Variants in PRSS3 observed in about 807,000 individuals in gnomAD.
PRSS3 encodes the protein trypsin-3.
Under a neutral mutation model 20.8 loss-of-function variants are expected in PRSS3, and 14 were observed. The ratio of observed to expected loss-of-function variants is 0.67; its 90% CI spans 0.44 to 1.05. The LOEUF is 1.05. Ranked by LOEUF, PRSS3 falls within the 50% of genes least tolerant of loss-of-function variation. The probability of loss-of-function intolerance (pLI) is 0.00; values close to 1 mark genes in which losing one functional copy is unlikely to be tolerated. For synonymous variants in PRSS3, 91 were observed against 117.6 expected, an observed-to-expected ratio of 0.77 and a Z score of 1.46; for missense variants, 237 against 306.4, an observed-to-expected ratio of 0.77 and a Z score of 1.69.
At chr9:33,765,514 GCTA>G (rs1198677406) in intron 1 of PRSS3, among the ~76,000 whole-genome samples, 1 of 152,036 alleles carries the variant, frequency 6.6e-6, no homozygotes, top group Non-Finnish European at 1.5e-5. Flanking sequence ...TGCCAGCATC[GCTA>G]CTTTTTCATT....
At chr9:33,796,200 C>A (rs1392514209) in intron 1 of PRSS3, among the ~76,000 whole-genome samples, 4 of 152,230 alleles carry the variant, frequency 2.6e-5, no homozygotes, top group Non-Finnish European at 5.9e-5. Context: ...CAGATCTGAG[C>A]TATGGGGGAA....
chr9:33,768,232 C>T (rs543976803), intron 1 of PRSS3, among the ~76,000 whole-genome samples: 7 of 152,188 alleles, frequency 4.6e-5, no homozygotes, highest in Non-Finnish European at 8.8e-5. Flanking sequence ...GTAATCCCAG[C>T]ACTTTGGGAG....
At position 33,777,589 on chromosome 9, in the gene PRSS3, G is replaced by C. The variant is rs974255405; in HGVS notation, c.-52-17157G>C. ...GAGGTGGTGGGTACCTGTAGTCCCA[G>C]CTACTCTACTCGGGAGGCTGAGGCA... On this transcript the variant is annotated intron_variant, in intron 1 of 5. Transcript: ENST00000342836. Among the ~76,000 whole-genome samples the C allele has an allele frequency of 4.7e-5, 7 of 147,808 alleles. No homozygotes were observed. The Middle Eastern group carries it at 0.011, about 223-fold the overall frequency.
intron 1 of PRSS3, among the ~76,000 whole-genome samples, chr9:33,771,059 A>C (rs775848741): frequency 6.6e-6 from 1 of 152,186 alleles, no homozygotes. Context: ...CAGCCCCACA[A>C]CAAAGACCCC....
In PRSS3 at chr9:33,756,491, A is replaced by G. The variant is rs570585733; in HGVS notation, c.-53+5764A>G. On this transcript the variant is annotated intron_variant, in intron 1 of 5. Coordinates refer to the PRSS3 transcript ENST00000342836. Reference sequence around the variant, plus strand: ...GTTCTGAGTGGTTTTCTTCTGTTATATAATTTTCTCGTTCTTTCTTTCTGA... The same window carrying G: ...GTTCTGAGTGGTTTTCTTCTGTTATGTAATTTTCTCGTTCTTTCTTTCTGA... Among the ~76,000 whole-genome samples the G allele has an allele frequency of 9.8e-5, 15 of 152,296 alleles. No individual in the cohort carries two copies. In the South Asian group the frequency reaches 3.1e-3, roughly 32 times the overall value.
chr9:33,759,167 G>A (rs1200319503), intron 1 of PRSS3, among the ~76,000 whole-genome samples: 1 of 152,078 alleles, frequency 6.6e-6, no homozygotes, highest in East Asian at 1.9e-4. Flanking sequence ...TTCACGGTGG[G>A]AAGAATTGGG....
intron 1 of PRSS3, among the ~76,000 whole-genome samples, chr9:33,779,231 A>C (rs1206776072): frequency 6.6e-6 from 1 of 152,246 alleles, no homozygotes; most frequent in Non-Finnish European, 1.5e-5. Flanking sequence ...AATGGTTCTT[A>C]ACCAGTCTGA....
chr9:33,754,879 G>T (rs1054805195), intron 1 of PRSS3, among the ~76,000 whole-genome samples: 1 of 152,160 alleles, frequency 6.6e-6, no homozygotes, highest in Admixed American at 6.5e-5. Context: ...AATAAGGCAG[G>T]GGGGAGAATG....
intron 1 of PRSS3, among the ~76,000 whole-genome samples, chr9:33,767,705 A>G (rs977208268): frequency 1.8e-4 from 27 of 152,254 alleles, no homozygotes; most frequent in African/African-American, 6.0e-4. Flanking sequence ...GACACCTGTA[A>G]TCCCAGCTAC....
chr9:33,768,252 G>T (rs191382983), intron 1 of PRSS3, among the ~76,000 whole-genome samples: 67 of 152,256 alleles, frequency 4.4e-4, no homozygotes, highest in African/African-American at 1.5e-3. Context: ...GGCTGAGGCG[G>T]GTGGATAACT....
chr9:33,768,781 G>A (rs1393090499), intron 1 of PRSS3, among the ~76,000 whole-genome samples: 1 of 151,786 alleles, frequency 6.6e-6, no homozygotes, highest in Admixed American at 6.6e-5. Flanking sequence ...GCTTGAGCCC[G>A]GGGGGCAGAG....
chr9:33,778,467 TTAAC>T (rs1305381551), intron 1 of PRSS3, among the ~76,000 whole-genome samples: 22 of 152,218 alleles, frequency 1.4e-4, no homozygotes, highest in Admixed American at 1.4e-3. Flanking sequence ...AAACTATACA[TTAAC>T]TACTCAAATT....
intron 1 of PRSS3, among the ~76,000 whole-genome samples, chr9:33,753,312 T>G (rs747063262): frequency 2.0e-5 from 3 of 152,280 alleles, no homozygotes; most frequent in Non-Finnish European, 2.9e-5. Context: ...GGTATAACCT[T>G]AAAGATTGTC....
Position 33,750,744 on chromosome 9 carries a change from C to T in PRSS3, c.-53+17C>T. 7.0e-7 allele frequency: 1 copy of T among 1,419,276 alleles called. No homozygotes were observed. The highest frequency in any genetic ancestry group is 9.2e-7 in the Non-Finnish European group (1 of 1,090,652). 87.9% of individuals were successfully genotyped at this position (1,419,276 alleles called of 1,614,324 possible). On this transcript the variant is annotated intron_variant, in intron 1 of 5. Coordinates refer to the PRSS3 transcript ENST00000342836. The surrounding 1 kb of genome is among the most constrained non-coding windows in gnomAD (Gnocchi z 4.8). ...TGGGCACAGGTCAGACGTCAGTACC[C>T]GCAGGGGGCTTGAAACTGGAGGAGG...
At position 33,750,991 on chromosome 9, in the gene PRSS3, G is replaced by A; in HGVS notation, c.-53+264G>A. 2 of 738,744 alleles carry A rather than the reference G, an allele frequency of 2.7e-6. No homozygotes were observed. Among genetic ancestry groups the A allele is most frequent in the Non-Finnish European group, 3.8e-6 (2 of 519,914 alleles). The allele number at this position is 738,744 out of a possible 1,614,324, so 45.8% of individuals were successfully genotyped here. On this transcript the variant is annotated intron_variant, in intron 1 of 5. Transcript: ENST00000342836. The surrounding 1 kb of genome is among the most constrained non-coding windows in gnomAD (Gnocchi z 4.8). The stretch of plus-strand genomic sequence containing the variant: ...GGGGCCCCCTCCGGGCTGCGGCACC[G>A]ATGCGCACACTACTCCCACCGCCCC...
rs998019370 is a variant in PRSS3, at chr9:33,768,893, G to A, written c.-53+18166G>A. Reference sequence around the variant, plus strand: ...AAAATAAAAAAGGAAAAGAAAATGCGTCTATCATCTTAGAGAATACATGTA... The same window carrying A: ...AAAATAAAAAAGGAAAAGAAAATGCATCTATCATCTTAGAGAATACATGTA... On this transcript the variant is annotated intron_variant, in intron 1 of 5. Coordinates refer to the PRSS3 transcript ENST00000342836. 5.9e-5 allele frequency among the ~76,000 whole-genome samples: 9 copies of A among 152,048 alleles called. No individual in the cohort carries two copies. The East Asian group carries it at 1.2e-3, about 20-fold the overall frequency.
At chr9:33,791,636 T>A (rs1222274058), upstream of PRSS3, among the ~76,000 whole-genome samples, 3 of 152,234 alleles carry the variant, frequency 2.0e-5, no homozygotes, top group Admixed American at 1.3e-4. Context: ...CTGTCCTGGC[T>A]TTCTTCTGCT....
chr9:33,794,227 C>T (rs1011620566), upstream of PRSS3, among the ~76,000 whole-genome samples: 5 of 152,230 alleles, frequency 3.3e-5, no homozygotes, highest in African/African-American at 1.2e-4. Context: ...ATCTCCAGAA[C>T]ATCTCTGCTT....
At chr9:33,778,088 T>A (rs1433778118) in intron 1 of PRSS3, among the ~76,000 whole-genome samples, 2 of 152,138 alleles carry the variant, frequency 1.3e-5, no homozygotes, top group African/African-American at 2.4e-5. Context: ...TAACACATTT[T>A]AAAAAATCTA....
Sources: allele counts gnomAD v4.1 joint callset (sites outside exome capture counted in the v4.1 genomes callset), GRCh38; gene constraint gnomAD v4.1.1; non-coding constraint Gnocchi (gnomAD v3.1); transcripts MANE v1.5; gene names NCBI Gene and HGNC (gene_info 2026-07-23, HGNC 2026-07-21).